The following TMEFF1 variants were observed in gnomAD, a reference collection of about 807,000 sequenced individuals.
TMEFF1 encodes the protein tomoregulin-1.
Under a neutral mutation model 47.5 loss-of-function variants are expected in TMEFF1, and 20 were observed. The ratio of observed to expected loss-of-function variants is 0.42; its 90% CI spans 0.30 to 0.61. The LOEUF (loss-of-function observed/expected upper bound fraction) is 0.61. Ranked by LOEUF, TMEFF1 falls within the 20% of genes least tolerant of loss-of-function variation. The pLI is 0.19. For missense variants in TMEFF1, 411 were observed against 471.1 expected (o/e 0.87, Z 1.18); for synonymous variants, 162 against 166.3 (o/e 0.97, Z 0.20).
chr9:100,516,679 G>A lies in TMEFF1; in HGVS notation c.468G>A (p.Glu156=), dbSNP rs766970369. Residue 156 remains glutamate (E), a synonymous_variant, in exon 5 of 10, where the codon GAG becomes GAA. Coordinates refer to ENST00000374879, the MANE Select transcript of TMEFF1 (RefSeq NM_003692.5). ...DNGSGSGEGE[E]EGSGAEVHRK... ...TTGATTTTTCTTTTTAAACAGAAGAGGAAGGGTCAGGGGCAGAAGTTCACA... is the reference window on the plus strand; with the variant it reads ...TTGATTTTTCTTTTTAAACAGAAGAAGAAGGGTCAGGGGCAGAAGTTCACA... 8 of 1,611,788 alleles carry A rather than the reference G, an allele frequency of 5.0e-6. No homozygotes were observed. In the South Asian group the frequency reaches 8.8e-5, roughly 18 times the overall value.
At chr9:100,514,546 T>C (rs747611421) in intron 4 of TMEFF1, among the ~76,000 whole-genome samples, 1 of 151,820 alleles carries the variant, frequency 6.6e-6, no homozygotes, top group Non-Finnish European at 1.5e-5. Flanking sequence ...GATCTCAAGA[T>C]TTGCTTATAT....
chr9:100,538,678 C>T (rs1022619960), intron 5 of TMEFF1, among the ~76,000 whole-genome samples: 31 of 152,042 alleles, frequency 2.0e-4, no homozygotes, highest in African/African-American at 7.2e-4. Flanking sequence ...TATATGCATT[C>T]TTCTTGATTT....
intron 1 of TMEFF1, among the ~76,000 whole-genome samples, chr9:100,497,320 CTT>C (rs752427622): frequency 3.5e-4 from 21 of 59,544 alleles, no homozygotes; most frequent in East Asian, 2.7e-3. Context: ...CCACTCATGT[CTT>C]TTTTTTTTTT....
At chr9:100,480,695 C>T (rs1837323453) in intron 1 of TMEFF1, among the ~76,000 whole-genome samples, 1 of 151,898 alleles carries the variant, frequency 6.6e-6, no homozygotes, top group Non-Finnish European at 1.5e-5. Context: ...GGCAGACTTA[C>T]ACTCAAAAAA....
chr9:100,537,800 C>G (rs1364645504), intron 5 of TMEFF1, among the ~76,000 whole-genome samples: 1 of 152,166 alleles, frequency 6.6e-6, no homozygotes, highest in Non-Finnish European at 1.5e-5. Flanking sequence ...CAACTTTTAC[C>G]TGAACTCACC....
chr9:100,488,515 C>T (rs1344334201), intron 1 of TMEFF1, among the ~76,000 whole-genome samples: 1 of 152,184 alleles, frequency 6.6e-6, no homozygotes, highest in African/African-American at 2.4e-5. Context: ...CTATGTACTT[C>T]CACAGTTGGT....
intron 7 of TMEFF1, among the ~76,000 whole-genome samples, chr9:100,554,297 C>T (rs900751292): frequency 6.6e-5 from 10 of 152,026 alleles, no homozygotes; most frequent in South Asian, 2.1e-4. Context: ...GTGAGCCAAG[C>T]GCTAAGATCA....
At chr9:100,479,633 T>C (rs1024535368) in intron 1 of TMEFF1, among the ~76,000 whole-genome samples, 1 of 152,224 alleles carries the variant, frequency 6.6e-6, no homozygotes, top group African/African-American at 2.4e-5. Flanking sequence ...TGTTCTTTTG[T>C]GTCTGGCTTC....
At chr9:100,476,049 G>A (rs182619248) in intron 1 of TMEFF1, among the ~76,000 whole-genome samples, 1 of 152,142 alleles carries the variant, frequency 6.6e-6, no homozygotes, top group Admixed American at 6.5e-5. Flanking sequence ...AAGAGACTTG[G>A]ATTTAGTAAT....
chr9:100,549,426 C>G (rs1838793746), intron 6 of TMEFF1, among the ~76,000 whole-genome samples: 1 of 152,260 alleles, frequency 6.6e-6, no homozygotes, highest in African/African-American at 2.4e-5. Flanking sequence ...GGCATTTGGG[C>G]AGGGACACAG....
chr9:100,555,189 ACACACG>A (rs990887391), intron 7 of TMEFF1, among the ~76,000 whole-genome samples: 2 of 152,014 alleles, frequency 1.3e-5, no homozygotes, highest in South Asian at 4.2e-4. Flanking sequence ...ACACACACAC[ACACACG>A]CACACACATT....
chr9:100,534,646 C>A (rs572578082), intron 5 of TMEFF1, among the ~76,000 whole-genome samples: 1 of 152,206 alleles, frequency 6.6e-6, no homozygotes, highest in Admixed American at 6.5e-5. Flanking sequence ...AATCTTCTTT[C>A]TTTGTATGCC....
intron 5 of TMEFF1, among the ~76,000 whole-genome samples, chr9:100,527,768 A>G (rs1313716591): frequency 6.6e-5 from 10 of 152,208 alleles, no homozygotes; most frequent in Non-Finnish European, 1.3e-4. Flanking sequence ...CTGCCTCTGT[A>G]GGCTCCACCT....
intron 7 of TMEFF1, among the ~76,000 whole-genome samples, chr9:100,552,454 AAAGT>A (rs987409643): frequency 2.4e-4 from 37 of 152,284 alleles, no homozygotes; most frequent in African/African-American, 8.9e-4. Context: ...TGTTTGGAAT[AAAGT>A]AAGGGAGGAG....
chr9:100,545,219 G>A (rs1247339885), intron 5 of TMEFF1, among the ~76,000 whole-genome samples: 2 of 152,222 alleles, frequency 1.3e-5, no homozygotes, highest in Non-Finnish European at 2.9e-5. Context: ...CCCTAGCAGA[G>A]GTTCTCCATG....
intron 2 of TMEFF1, among the ~76,000 whole-genome samples, chr9:100,504,398 A>G (rs954153994): frequency 9.2e-5 from 14 of 152,322 alleles, no homozygotes; most frequent in Middle Eastern, 3.4e-3. Flanking sequence ...TCCTCTGCTC[A>G]GTGTCACCAA....
intron 1 of TMEFF1, among the ~76,000 whole-genome samples, chr9:100,491,372 A>G (rs1268135943): frequency 6.6e-6 from 1 of 152,238 alleles, no homozygotes; most frequent in Non-Finnish European, 1.5e-5. Flanking sequence ...GACAGTCAGT[A>G]TAAACTCATG....
chr9:100,515,631 CA>C (rs1257068193), intron 4 of TMEFF1, among the ~76,000 whole-genome samples: 1 of 151,864 alleles, frequency 6.6e-6, no homozygotes, highest in Non-Finnish European at 1.5e-5. Flanking sequence ...ACTAAAAGTA[CA>C]AAAATTAGCT....
At chr9:100,542,402 C>T (rs1838650049) in intron 5 of TMEFF1, among the ~76,000 whole-genome samples, 1 of 152,194 alleles carries the variant, frequency 6.6e-6, no homozygotes, top group African/African-American at 2.4e-5. Context: ...GCATCTCAGA[C>T]TTTCCTTAAA....
Sources: allele counts gnomAD v4.1 joint callset (sites outside exome capture counted in the v4.1 genomes callset), GRCh38; gene constraint gnomAD v4.1.1; transcripts MANE v1.5; gene names NCBI Gene and HGNC (gene_info 2026-07-23, HGNC 2026-07-21).